TFAP2C: variants seen among roughly 807,000 people sequenced by gnomAD.
TFAP2C encodes transcription factor AP-2 gamma.
TFAP2C carries 9 observed loss-of-function variants against 42.9 expected under a neutral mutation model. That is an observed-to-expected ratio of 0.21 (90% CI 0.13 to 0.37). The LOEUF is 0.37. TFAP2C is among the 10% of genes least tolerant of loss of function. The probability of loss-of-function intolerance (pLI) is 1.00; values close to 1 mark genes in which losing one functional copy is unlikely to be tolerated. For missense variants in TFAP2C, 462 were observed against 591.7 expected (o/e 0.78, Z 2.27); for synonymous variants, 264 against 256.0 (o/e 1.03, Z -0.30).
chr20:56,636,539 A>G (rs966740448), intron 5 of TFAP2C, 71 bp from the exon 6 acceptor site: 127 of 1,485,830 alleles, frequency 8.5e-5, no homozygotes, highest in East Asian at 2.3e-4. Context: ...AAAAAAAAAA[A>G]AGAGAGAGGA....
In TFAP2C at chr20:56,629,519, G is replaced by A; in HGVS notation, c.-26G>A. On this transcript the variant is annotated 5_prime_UTR_variant, in exon 1 of 7. Coordinates refer to ENST00000201031, the MANE Select transcript of TFAP2C (RefSeq NM_003222.4). This position sits in a 1 kb window ranked among gnomAD's most constrained non-coding sequence, Gnocchi z 5.9. ...TGGGGGGATCCTGGATTTAACTGGCGACTGTTTTGGGGGACGCCGGACGCC... is the reference window on the plus strand; with the variant it reads ...TGGGGGGATCCTGGATTTAACTGGCAACTGTTTTGGGGGACGCCGGACGCC... 1 of 1,402,062 alleles carries A rather than the reference G, an allele frequency of 7.1e-7. No homozygotes were observed. The allele number at this position is 1,402,062 out of a possible 1,614,324, so 86.9% of individuals were successfully genotyped here.
chr20:56,634,059 C>T, intron 4 of TFAP2C, 91 bp from the exon 5 acceptor site: 1 of 830,824 alleles, frequency 1.2e-6, no homozygotes, highest in Non-Finnish European at 2.0e-6. Context: ...GCTTTGACAG[C>T]AGCACTTTAG....
chr20:56,631,985 T>C lies in TFAP2C; in HGVS notation c.586+129T>C, dbSNP rs1249722415. 3 of 1,051,132 alleles carry C rather than the reference T, an allele frequency of 2.9e-6. No individual in the cohort carries two copies. The highest frequency in any genetic ancestry group is 4.4e-6 in the Non-Finnish European group (3 of 687,114). 65.1% of individuals were successfully genotyped at this position (1,051,132 alleles called of 1,614,324 possible). A position where few individuals can be genotyped will look rare whatever the true frequency, so the allele number is the denominator to read the frequency against. Reference sequence around the variant, plus strand: ...GGTAGAAGGGACTGAAAGGGATTCATGGAAGCTAGATTTTAGGAGTGACAG... The same window carrying C: ...GGTAGAAGGGACTGAAAGGGATTCACGGAAGCTAGATTTTAGGAGTGACAG... On this transcript the variant is annotated intron_variant, in intron 3 of 6. Transcript: ENST00000201031. This position sits in a 1 kb window ranked among gnomAD's most constrained non-coding sequence, Gnocchi z 6.1.
Position 56,629,619 on chromosome 20 carries a change from C to T in TFAP2C, c.48+27C>T. 7.2e-7 allele frequency: 1 copy of T among 1,394,410 alleles called. No individual in the cohort carries two copies. Among genetic ancestry groups the T allele is most frequent in the Non-Finnish European group, 9.3e-7 (1 of 1,074,472 alleles). 86.4% of individuals were successfully genotyped at this position (1,394,410 alleles called of 1,614,324 possible). ...TGAGCTGGGGCTCCGGGGTGCAGCC[C>T]CGCCCCGCCGAGGACAGTCCGGGAG... On this transcript the variant is annotated intron_variant, in intron 1 of 6. Transcript: ENST00000201031. The surrounding 1 kb of genome is among the most constrained non-coding windows in gnomAD (Gnocchi z 5.9).
At chr20:56,633,744 G>T (rs753468512) in intron 4 of TFAP2C, among the ~76,000 whole-genome samples, 175 bp downstream of exon 4, 3 of 152,180 alleles carry the variant, frequency 2.0e-5, no homozygotes, top group Non-Finnish European at 4.4e-5. Context: ...GGGAGGAAGT[G>T]CTAAAACGAC....
chr20:56,636,935 T>G (rs1269877086), intron 6 of TFAP2C, among the ~76,000 whole-genome samples, 181 bp downstream of exon 6: 2 of 152,222 alleles, frequency 1.3e-5, no homozygotes, highest in Non-Finnish European at 1.5e-5. Flanking sequence ...ACTTTTTGTA[T>G]GATTTAGAAG....
In TFAP2C at chr20:56,638,966, A is replaced by G. The variant is rs1987638250; in HGVS notation, c.*953A>G. 1 of 152,584 alleles carries G rather than the reference A, an allele frequency of 6.6e-6. No homozygotes were observed. The highest frequency in any genetic ancestry group is 2.4e-5 in the African/African-American group (1 of 41,418). 9.5% of individuals were successfully genotyped at this position (152,584 alleles called of 1,614,324 possible). A position where few individuals can be genotyped will look rare whatever the true frequency, so the allele number is the denominator to read the frequency against. On this transcript the variant is annotated 3_prime_UTR_variant, in exon 7 of 7. Coordinates refer to ENST00000201031, the MANE Select transcript of TFAP2C (RefSeq NM_003222.4). ...TTTTGAGACATGGGATCCAATTTTA[A>G]TATTAACTTTTAATGGTGATGGGGT...
In TFAP2C at chr20:56,638,007, G is replaced by A. The variant is rs1987618876; in HGVS notation, c.1347G>A (p.Arg449=). 8.7e-6 allele frequency: 14 copies of A among 1,612,252 alleles called. No individual in the cohort carries two copies. Among genetic ancestry groups the A allele is most frequent in the Non-Finnish European group, 1.1e-5 (13 of 1,178,752 alleles). The change falls in exon 7 of 7, where the codon AGG becomes AGA. Residue 449 remains arginine (R), a synonymous_variant. Coordinates refer to ENST00000201031, the MANE Select transcript of TFAP2C (RefSeq NM_003222.4). ...CCCTGGAGAAAATGGAGAAACACAG[G>A]AAATAAAATTGGAACGAAGAAAGGT... is the stretch of plus-strand genomic sequence containing the variant. ...NKTLEKMEKH[R]K
In TFAP2C at chr20:56,629,331, TC is replaced by T. The variant is rs1464500705; in HGVS notation, c.-210del. 3 of 403,064 alleles carry T rather than the reference TC, an allele frequency of 7.4e-6. No individual in the cohort carries two copies. The highest frequency in any genetic ancestry group is 3.6e-5 in the East Asian group (1 of 27,916). The allele number at this position is 403,064 out of a possible 1,614,324, so 25.0% of individuals were successfully genotyped here. ...AGGACACACTGTTCGGGCGCGGCTT[TC>T]CCCGTCCGCGGAGCGGTCTTGACAC... On this transcript the variant is annotated 5_prime_UTR_variant, in exon 1 of 7. Coordinates refer to ENST00000201031, the MANE Select transcript of TFAP2C (RefSeq NM_003222.4). This position sits in a 1 kb window ranked among gnomAD's most constrained non-coding sequence, Gnocchi z 5.9.
Position 56,633,519 on chromosome 20 carries a change from G to A in TFAP2C, c.753G>A (p.Leu251=). The A allele has an allele frequency of 6.2e-7, 1 of 1,614,186 alleles. No homozygotes were observed. Among genetic ancestry groups the A allele is most frequent in the African/African-American group, 1.3e-5 (1 of 75,052 alleles). ...CAGTGGCTGAAGTACAGAGGCGACT[G>A]TCCCCACCTGAATGCTTAAATGCCT... ...KVTVAEVQRR[L]SPPECLNASL... The change falls in exon 4 of 7, where the codon CTG becomes CTA. Residue 251 remains leucine, a synonymous_variant. Coordinates refer to ENST00000201031, the MANE Select transcript of TFAP2C (RefSeq NM_003222.4).
rs1347827620 is a variant in TFAP2C, at chr20:56,636,770, T to G, written c.1067+16T>G. 6.2e-7 allele frequency: 1 copy of G among 1,608,316 alleles called. No individual in the cohort carries two copies. The highest frequency in any genetic ancestry group is 1.3e-5 in the African/African-American group (1 of 74,768). On this transcript the variant is annotated intron_variant, in intron 6 of 6. Transcript: ENST00000201031. ...TGGCGGCCCAGTAAGTATCTGAACT[T>G]GAATTTGATGATGACTCAATGCTCT...
rs1472172559 is a variant in TFAP2C, at chr20:56,631,813, C to T, written c.543C>T (p.Asp181=). 4 of 1,614,184 alleles carry T rather than the reference C, an allele frequency of 2.5e-6. No individual in the cohort carries two copies. Among genetic ancestry groups the T allele is most frequent in the Admixed American group, 3.3e-5 (2 of 60,028 alleles). The change falls in exon 3 of 7, where the codon GAC becomes GAT. Residue 181 remains aspartate, a synonymous_variant. Coordinates refer to ENST00000201031, the MANE Select transcript of TFAP2C (RefSeq NM_003222.4). The surrounding 1 kb of genome is among the most constrained non-coding windows in gnomAD (Gnocchi z 6.1). ...TGTCCTCTCTCCCCCAGAATGTCGA[C>T]GACCAGCACCTGTTGCTGCACGATC... ...PHQMDEVQNV[D]DQHLLLHDQT...
Position 56,630,695 on chromosome 20 carries a change from G to T in TFAP2C, c.49-510G>T. ...CGGAGGTCTTTGTCCCGAGGGCGTG[G>T]AAGGGAGGGTCCCGGGGGCGGGGGA... is the stretch of plus-strand genomic sequence containing the variant. On this transcript the variant is annotated intron_variant, in intron 1 of 6. Transcript: ENST00000201031. This position sits in a 1 kb window ranked among gnomAD's most constrained non-coding sequence, Gnocchi z 5.1. 1.0e-6 allele frequency: 1 copy of T among 985,360 alleles called. No homozygotes were observed. The allele number at this position is 985,360 out of a possible 1,614,324, so 61.0% of individuals were successfully genotyped here. A position where few individuals can be genotyped will look rare whatever the true frequency, so the allele number is the denominator to read the frequency against.
At position 56,638,157 on chromosome 20, in the gene TFAP2C, G is replaced by A. The variant is rs1452144008; in HGVS notation, c.*144G>A. On this transcript the variant is annotated 3_prime_UTR_variant, in exon 7 of 7. Transcript: ENST00000201031. ...TATTTAAAGAGCCTTCACTGGTTCT[G>A]CATCACCCGCCCCTGGACTTCTTAG... 1.3e-4 allele frequency: 95 copies of A among 704,372 alleles called. No individual in the cohort carries two copies. The highest frequency in any genetic ancestry group is 9.2e-6 in the Non-Finnish European group (4 of 432,540). The allele number at this position is 704,372 out of a possible 1,614,324, so 43.6% of individuals were successfully genotyped here. A position where few individuals can be genotyped will look rare whatever the true frequency, so the allele number is the denominator to read the frequency against.
chr20:56,638,095 C>A lies in TFAP2C; in HGVS notation c.*82C>A. 2 of 1,320,156 alleles carry A rather than the reference C, an allele frequency of 1.5e-6. No homozygotes were observed. The highest frequency in any genetic ancestry group is 1.5e-5 in the South Asian group (1 of 68,416). The allele number at this position is 1,320,156 out of a possible 1,614,324, so 81.8% of individuals were successfully genotyped here. A position where few individuals can be genotyped will look rare whatever the true frequency, so the allele number is the denominator to read the frequency against. On this transcript the variant is annotated 3_prime_UTR_variant, in exon 7 of 7. Coordinates refer to ENST00000201031, the MANE Select transcript of TFAP2C (RefSeq NM_003222.4). ...TCTCCACCGCACAGACTGGGAACCC[C>A]TCCTGGCCTGGGGGAAGAGTTTGTT...
In TFAP2C at chr20:56,633,545, C is replaced by T; in HGVS notation, c.779C>T (p.Ser260Leu). 1 of 1,614,082 alleles carries T rather than the reference C, an allele frequency of 6.2e-7. No individual in the cohort carries two copies. Among genetic ancestry groups the T allele is most frequent in the Non-Finnish European group, 8.5e-7 (1 of 1,179,988 alleles). Residue 260 changes from serine to leucine, a missense_variant, in exon 4 of 7, where the codon TCG (serine) becomes TTG (leucine). Transcript: ENST00000201031. ...TCCCCACCTGAATGCTTAAATGCCT[C>T]GTTACTGGGAGGTGTTCTCAGAAGG... ...RLSPPECLNASLLGGVLRRAK... is the reference protein window; with the variant it reads ...RLSPPECLNALLLGGVLRRAK...
chr20:56,637,179 A>G (rs1600899829), intron 6 of TFAP2C, among the ~76,000 whole-genome samples: 1 of 152,244 alleles, frequency 6.6e-6, no homozygotes, highest in African/African-American at 2.4e-5. Context: ...ACTGTCTCCA[A>G]AACGACTTAA....
At position 56,631,704 on chromosome 20, in the gene TFAP2C, C is replaced by A. The variant is rs776365764; in HGVS notation, c.534+14C>A. 6.3e-7 allele frequency: 1 copy of A among 1,595,688 alleles called. No individual in the cohort carries two copies. The highest frequency in any genetic ancestry group is 1.1e-5 in the South Asian group (1 of 88,412). On this transcript the variant is annotated intron_variant, in intron 2 of 6. Transcript: ENST00000201031. The surrounding 1 kb of genome is among the most constrained non-coding windows in gnomAD (Gnocchi z 6.1). ...GACGAGGTGCAGGTGAGCGGCGCTG[C>A]GGCTCCTGACCGGACCTGTTCACCC...
chr20:56,631,947 G>A lies in TFAP2C; in HGVS notation c.586+91G>A, dbSNP rs73913988. 7.2e-3 allele frequency: 10,336 copies of A among 1,441,088 alleles called. 346 individuals are homozygous for A. The African/African-American group carries it at 0.09, about 13-fold the overall frequency. The allele number at this position is 1,441,088 out of a possible 1,614,324, so 89.3% of individuals were successfully genotyped here. A position where few individuals can be genotyped will look rare whatever the true frequency, so the allele number is the denominator to read the frequency against. On this transcript the variant is annotated intron_variant, in intron 3 of 6. Coordinates refer to ENST00000201031, the MANE Select transcript of TFAP2C (RefSeq NM_003222.4). This position sits in a 1 kb window ranked among gnomAD's most constrained non-coding sequence, Gnocchi z 6.1. Reference sequence around the variant, plus strand: ...AGGTTGGGGGTATTTGGTGGCCAGCGTGGGACATTTGTGGTAGAAGGGACT... The same window carrying A: ...AGGTTGGGGGTATTTGGTGGCCAGCATGGGACATTTGTGGTAGAAGGGACT...
Sources: gnomAD v4.1 joint callset for allele counts (sites outside exome capture counted in the v4.1 genomes callset) on GRCh38, gnomAD v4.1.1 for gene constraint, Gnocchi (gnomAD v3.1) non-coding constraint, MANE v1.5 for transcripts, NCBI Gene and HGNC (gene_info 2026-07-23, HGNC 2026-07-21) for gene names.